Variants in ENTPD5 observed in about 807,000 individuals in gnomAD.
ENTPD5 encodes the protein ectonucleoside triphosphate diphosphohydrolase 5 (inactive), also known as nucleoside diphosphate phosphatase ENTPD5.
A neutral mutation model predicts 60.2 loss-of-function variants in ENTPD5; 49 were observed. The observed-to-expected ratio is 0.81, with a 90% CI of 0.65 to 1.03. The LOEUF is 1.03. Ranked by LOEUF, ENTPD5 falls within the 50% of genes least tolerant of loss-of-function variation. The pLI is 0.00. For missense variants in ENTPD5, 480 were observed against 507.6 expected (o/e 0.95, Z 0.52); for synonymous variants, 187 against 185.4 (o/e 1.01, Z -0.07).
At chr14:73,996,892 T>G (rs1289231888) in intron 3 of ENTPD5, 1 of 152,196 alleles carries the variant, frequency 6.6e-6, no homozygotes, top group Non-Finnish European at 1.5e-5. Flanking sequence ...GCATGAACCA[T>G]GATTATATCA....
intron 3 of ENTPD5, 36 bp downstream of exon 3, chr14:74,011,055 T>C (rs771596399): frequency 6.5e-5 from 31 of 473,890 alleles, no homozygotes; most frequent in East Asian, 3.0e-4. Flanking sequence ...ATCTGACCTA[T>C]GAAAAAGTGA....
chr14:73,957,314 T>C (rs2056484640), downstream of ENTPD5, among the ~76,000 whole-genome samples: 1 of 152,108 alleles, frequency 6.6e-6, no homozygotes, highest in Admixed American at 6.6e-5. Context: ...CTCAATCTCC[T>C]GACCTCGTGA....
chr14:74,019,287 T>TCGGCGCGACCTCCGCCCCACCCC lies in ENTPD5; in HGVS notation c.-276_-275insGGGGTGGGGCGGAGGTCGCGCCG, dbSNP rs1306450293. The TCGGCGCGACCTCCGCCCCACCCC allele has an allele frequency of 1.3e-5, 7 of 553,478 alleles. No individual in the cohort carries two copies. Among genetic ancestry groups the TCGGCGCGACCTCCGCCCCACCCC allele is most frequent in the Non-Finnish European group, 1.6e-5 (7 of 426,812 alleles). 34.3% of individuals were successfully genotyped at this position (553,478 alleles called of 1,614,324 possible). A position where few individuals can be genotyped will look rare whatever the true frequency, so the allele number is the denominator to read the frequency against. ...ACCCTTGCGCGGCAGCCCGCCGCCC[T>TCGGCGCGACCTCCGCCCCACCCC]CGGCGCGACCTCCGCCCCACCCCGC... On this transcript the variant is annotated 5_prime_UTR_variant, in exon 1 of 16. Transcript: ENST00000334696.
chr14:73,963,063 A>C (rs760662833), downstream of ENTPD5: 9 of 1,248,932 alleles, frequency 7.2e-6, no homozygotes, highest in Non-Finnish European at 1.1e-5. Context: ...GACCCATCAT[A>C]CATATTTTCA....
chr14:73,964,691 C>G lies in ENTPD5; in HGVS notation c.*2237G>C, dbSNP rs1424314122. 2 of 152,262 alleles carry G rather than the reference C, an allele frequency of 1.3e-5. No homozygotes were observed. Among genetic ancestry groups the G allele is most frequent in the East Asian group, 1.9e-4 (1 of 5,184 alleles). 9.4% of individuals were successfully genotyped at this position (152,262 alleles called of 1,614,324 possible). On this transcript the variant is annotated 3_prime_UTR_variant, in exon 16 of 16. Transcript: ENST00000334696. Reference sequence around the variant, plus strand: ...TGACATTTAGTGTTCTGTGACTGGTCTGGCACCCTACTTTTGTTGACAAAG... The same window carrying G: ...TGACATTTAGTGTTCTGTGACTGGTGTGGCACCCTACTTTTGTTGACAAAG...
intron 3 of ENTPD5, among the ~76,000 whole-genome samples, chr14:73,989,701 C>T (rs528861086): frequency 6.6e-6 from 1 of 152,038 alleles, no homozygotes; most frequent in African/African-American, 2.4e-5. Flanking sequence ...GGCATGATGG[C>T]GGGTGCCTAT....
intron 5 of ENTPD5, among the ~76,000 whole-genome samples, chr14:73,983,758 T>A (rs1044674606): frequency 2.0e-4 from 30 of 151,498 alleles, no homozygotes; most frequent in Non-Finnish European, 4.0e-4. Flanking sequence ...TCTTGTGATC[T>A]TGGCTCACTG....
chr14:74,003,343 T>C, intron 3 of ENTPD5: 2 of 507,602 alleles, frequency 3.9e-6, no homozygotes, highest in South Asian at 3.4e-5. Flanking sequence ...ACAATAGAAA[T>C]GGGCTAGGGT....
At chr14:73,995,097 G>A (rs1011545966) in intron 3 of ENTPD5, among the ~76,000 whole-genome samples, 10 of 149,244 alleles carry the variant, frequency 6.7e-5, no homozygotes, top group Non-Finnish European at 5.9e-5. Context: ...CACCCAGGCT[G>A]GAGTGCAGTT....
Position 73,986,854 on chromosome 14 carries a change from A to G in ENTPD5, c.257T>C (p.Val86Ala), listed in dbSNP as rs752472540. 6.2e-7 allele frequency: 1 copy of G among 1,614,120 alleles called. No individual in the cohort carries two copies. The highest frequency in any genetic ancestry group is 8.5e-7 in the Non-Finnish European group (1 of 1,179,976). ...PILEGEVFDS[V>A]KPGLSAFVDQ... ...TACAAAAGCAGAAAGTCCTGGCTTCACAGAATCAAAAACTTCCCCTTCTAG... is the reference window on the plus strand; with the variant it reads ...TACAAAAGCAGAAAGTCCTGGCTTCGCAGAATCAAAAACTTCCCCTTCTAG... Residue 86 changes from valine to alanine, a missense_variant, in exon 5 of 16, where the codon GTG (valine) becomes GCG (alanine). Val to Ala is a moderately conservative substitution (Grantham distance 64). Transcript: ENST00000334696.
intron 3 of ENTPD5, among the ~76,000 whole-genome samples, chr14:74,004,077 C>G (rs2058594268): frequency 6.6e-6 from 1 of 152,098 alleles, no homozygotes; most frequent in African/African-American, 2.4e-5. Flanking sequence ...TGCACTCCAG[C>G]ATGGGTGACA....
chr14:74,013,367 C>T (rs78496651), intron 2 of ENTPD5, among the ~76,000 whole-genome samples: 1 of 152,160 alleles, frequency 6.6e-6, no homozygotes, highest in Non-Finnish European at 1.5e-5. Context: ...AATTCTATAG[C>T]ACCTAGGGTT....
rs2057766729 is a variant in ENTPD5 at position 73,983,283 on chromosome 14, T to G, written c.298-122A>C. On this transcript the variant is annotated intron_variant, in intron 5 of 15. Transcript: ENST00000334696. ...AGGTGGCATAGGGCTCCAACCTCTC[T>G]CTGCTCTGTAGCAGGAGAAACCTAG... 7.9e-6 allele frequency: 8 copies of G among 1,013,980 alleles called. No homozygotes were observed. In the East Asian group the frequency reaches 2.0e-4, roughly 25 times the overall value. The allele number at this position is 1,013,980 out of a possible 1,614,324, so 62.8% of individuals were successfully genotyped here. A position where few individuals can be genotyped will look rare whatever the true frequency, so the allele number is the denominator to read the frequency against.
intron 5 of ENTPD5, chr14:73,986,474 T>A (rs1419966196): frequency 4.7e-6 from 1 of 211,678 alleles, no homozygotes; most frequent in Non-Finnish European, 9.6e-6. Context: ...TTATACATCA[T>A]ACCCTACAGA....
downstream of ENTPD5, chr14:73,958,271 A>C (rs2056539239): frequency 6.2e-7 from 1 of 1,613,922 alleles, no homozygotes; most frequent in Non-Finnish European, 8.5e-7. Flanking sequence ...TCCAGACCAA[A>C]TTGTTGGTAG....
chr14:73,972,920 A>G lies in ENTPD5; in HGVS notation c.991T>C (p.Tyr331His). ...GTGTCAACAGCTCGGTCATAATAGT[A>G]AGAGAAAGCATAGAAGGAACCTCTC... ...VQRGSFYAFS[Y>H]YYDRAVDTDM... The change falls in exon 13 of 16, where the codon TAC becomes CAC. Residue 331 changes from tyrosine to histidine, a missense_variant. Tyr to His is a moderately conservative substitution (Grantham distance 83). Coordinates refer to ENST00000334696, the MANE Select transcript of ENTPD5 (RefSeq NM_001249.5). 1.9e-6 allele frequency: 3 copies of G among 1,614,198 alleles called. No homozygotes were observed. In the South Asian group the frequency reaches 3.3e-5, roughly 18 times the overall value.
intron 11 of ENTPD5, among the ~76,000 whole-genome samples, chr14:73,974,541 T>C (rs73301450): frequency 0.025 from 3,808 of 152,256 alleles, 163 homozygotes; most frequent in African/African-American, 0.088. Flanking sequence ...AAGAGATCAA[T>C]GGAGTTACTC....
chr14:73,962,692 G>C, downstream of ENTPD5: 1 of 415,274 alleles, frequency 2.4e-6, no homozygotes, highest in South Asian at 3.6e-5. Flanking sequence ...GCTCACACCT[G>C]TAATCCCAGC....
intron 3 of ENTPD5, among the ~76,000 whole-genome samples, chr14:73,990,500 A>T (rs1206500344): frequency 6.6e-6 from 1 of 150,652 alleles, no homozygotes; most frequent in South Asian, 2.1e-4. Flanking sequence ...ATACCTGGCT[A>T]TTTTTTTTAT....
Sources: gnomAD v4.1 joint callset for allele counts (sites outside exome capture counted in the v4.1 genomes callset) on GRCh38, gnomAD v4.1.1 for gene constraint, MANE v1.5 for transcripts, NCBI Gene and HGNC (gene_info 2026-07-23, HGNC 2026-07-21) for gene names.